TMEM87A: variants seen among roughly 807,000 people sequenced by gnomAD.
TMEM87A encodes the protein transmembrane protein 87A, also known as Golgi-pH regulating cation channel.
In TMEM87A, 50 loss-of-function variants were observed where a neutral mutation model predicts 90.0. That is an observed-to-expected ratio of 0.56 (90% CI 0.44 to 0.70). TMEM87A has a LOEUF of 0.70. Among genes scored for constraint, TMEM87A ranks in the 30% least tolerant of loss-of-function variants. The probability of loss-of-function intolerance (pLI) is 0.00; values close to 1 mark genes in which losing one functional copy is unlikely to be tolerated. For synonymous variants in TMEM87A, 226 were observed against 226.7 expected, an observed-to-expected ratio of 1.00 and a Z score of 0.03; for missense variants, 577 against 660.5, an observed-to-expected ratio of 0.87 and a Z score of 1.39.
chr15:42,271,429 T>C (rs1222792559), intron 2 of TMEM87A: 5 of 152,174 alleles, frequency 3.3e-5, no homozygotes, highest in Middle Eastern at 3.2e-3. Flanking sequence ...AACCCCAACA[T>C]AATCACAGTC....
rs1289270287 is a variant in TMEM87A at position 42,273,352 on chromosome 15, A to G, written c.47T>C (p.Leu16Pro). The G allele has an allele frequency of 6.2e-7, 1 of 1,614,178 alleles. No individual in the cohort carries two copies. Among genetic ancestry groups the G allele is most frequent in the South Asian group, 1.1e-5 (1 of 91,090 alleles). ...CAGTGGTGACGGGTGAGCTCCCAGA[A>G]GCAGAAGAATGACAGGCAACACCTG... Reference protein sequence around the residue: ...WLQVLPVILLLLGAHPSPLSF... With the variant: ...WLQVLPVILLPLGAHPSPLSF... The change falls in exon 1 of 20, where the codon CTT becomes CCT. Residue 16 changes from leucine (L) to proline (P), a missense_variant. Coordinates refer to ENST00000389834, the MANE Select transcript of TMEM87A (RefSeq NM_015497.5).
At position 42,258,693 on chromosome 15, in the gene TMEM87A, T is replaced by C. The variant is rs529969216; in HGVS notation, c.504+2265A>G. Reference sequence around the variant, plus strand: ...CTGCCCACCTTGGCCTCCCAAAGTGTTGGCATTACAGGCGTGAGCCACTGT... The same window carrying C: ...CTGCCCACCTTGGCCTCCCAAAGTGCTGGCATTACAGGCGTGAGCCACTGT... On this transcript the variant is annotated intron_variant, in intron 6 of 19. Transcript: ENST00000389834. 2.0e-4 allele frequency: 241 copies of C among 1,197,660 alleles called. No individual in the cohort carries two copies. In the Middle Eastern group the frequency reaches 2.8e-3, roughly 14 times the overall value. 74.2% of individuals were successfully genotyped at this position (1,197,660 alleles called of 1,614,324 possible).
At position 42,231,275 on chromosome 15, in the gene TMEM87A, A is replaced by G; in HGVS notation, c.1063-15T>C. On this transcript the variant is annotated splice_polypyrimidine_tract_variant and intron_variant, in intron 11 of 19. Coordinates refer to ENST00000389834, the MANE Select transcript of TMEM87A (RefSeq NM_015497.5). ...TCAGTCTGGGCCTGCAGACAAAGAA[A>G]AAGAAGTGGTGAAAAACAGATGTCT... is the stretch of plus-strand genomic sequence containing the variant. The G allele has an allele frequency of 6.4e-7, 1 of 1,552,336 alleles. No homozygotes were observed. Among genetic ancestry groups the G allele is most frequent in the Non-Finnish European group, 8.6e-7 (1 of 1,156,536 alleles).
chr15:42,231,359 T>C (rs1245578870), intron 11 of TMEM87A, 99 bp from the exon 12 acceptor site: 27 of 937,936 alleles, frequency 2.9e-5, no homozygotes, highest in Admixed American at 3.7e-5. Context: ...CACTGGAAAG[T>C]TTTTGCATTG....
At position 42,251,911 on chromosome 15, in the gene TMEM87A, G is replaced by A. The variant is rs141187687; in HGVS notation, c.505-7744C>T. ...AGCTGTGGTGGGCTCCACCCAATTC[G>A]AACTTCCTGGCCGCTTTTTTACCTA... On this transcript the variant is annotated intron_variant, in intron 6 of 19. Coordinates refer to ENST00000389834, the MANE Select transcript of TMEM87A (RefSeq NM_015497.5). Among the ~76,000 whole-genome samples the A allele has an allele frequency of 5.1e-3, 783 of 152,334 alleles. 5 individuals carry two copies. The highest frequency in any genetic ancestry group is 7.6e-3 in the Non-Finnish European group (518 of 68,022).
intron 2 of TMEM87A, among the ~76,000 whole-genome samples, chr15:42,268,959 GC>G (rs2051459291): frequency 6.6e-6 from 1 of 151,994 alleles, no homozygotes; most frequent in South Asian, 2.1e-4. Flanking sequence ...TGAACGAAAA[GC>G]AAACATGGCT....
chr15:42,268,536 A>G (rs950418879), intron 2 of TMEM87A, among the ~76,000 whole-genome samples: 2 of 152,140 alleles, frequency 1.3e-5, no homozygotes, highest in Non-Finnish European at 2.9e-5. Flanking sequence ...GCGTGGTGGT[A>G]CATGCTTGTA....
intron 19 of TMEM87A, among the ~76,000 whole-genome samples, chr15:42,217,212 C>T (rs1024957881): frequency 2.0e-5 from 3 of 152,086 alleles, no homozygotes; most frequent in African/African-American, 7.2e-5. Flanking sequence ...CCTAGGCCTC[C>T]CAAAGTGCTG....
intron 12 of TMEM87A, among the ~76,000 whole-genome samples, chr15:42,230,870 C>T (rs190888728): frequency 2.6e-5 from 4 of 152,276 alleles, no homozygotes; most frequent in East Asian, 3.9e-4. Context: ...CAGCCAGTGA[C>T]TCTAACACTA....
At chr15:42,263,028 C>CT (rs1185619540) in intron 4 of TMEM87A, among the ~76,000 whole-genome samples, 1 of 152,152 alleles carries the variant, frequency 6.6e-6, no homozygotes, top group Non-Finnish European at 1.5e-5. Context: ...AAATTGAACT[C>CT]TAAGACAATG....
intron 15 of TMEM87A, 68 bp downstream of exon 15, chr15:42,226,738 A>G: frequency 7.3e-7 from 1 of 1,368,576 alleles, no homozygotes; most frequent in Non-Finnish European, 1.0e-6. Flanking sequence ...ACTGTCCCCC[A>G]ATGCACCACC....
At position 42,258,036 on chromosome 15, in the gene TMEM87A, G is replaced by A. The variant is rs79744548; in HGVS notation, c.504+2922C>T. The A allele has an allele frequency of 4.4e-3, 4,300 of 973,016 alleles. 157 individuals are homozygous for A. The African/African-American group carries it at 0.071, about 16-fold the overall frequency. The allele number at this position is 973,016 out of a possible 1,614,324, so 60.3% of individuals were successfully genotyped here. A position where few individuals can be genotyped will look rare whatever the true frequency, so the allele number is the denominator to read the frequency against. ...GAGATCAGAAAATAAAGACTTAAAA[G>A]CAAATGTAGTTAAAATATTAATCAC... On this transcript the variant is annotated intron_variant, in intron 6 of 19. Coordinates refer to ENST00000389834, the MANE Select transcript of TMEM87A (RefSeq NM_015497.5).
intron 8 of TMEM87A, 51 bp from the exon 9 acceptor site, chr15:42,237,666 A>C: frequency 7.0e-7 from 1 of 1,431,142 alleles, no homozygotes; most frequent in Non-Finnish European, 9.3e-7. Flanking sequence ...GCCAAGAGCC[A>C]AGTCTGTAGA....
At position 42,219,592 on chromosome 15, in the gene TMEM87A, C is replaced by T; in HGVS notation, c.1528G>A (p.Val510Ile). 1 of 1,599,434 alleles carries T rather than the reference C, an allele frequency of 6.3e-7. No individual in the cohort carries two copies. The highest frequency in any genetic ancestry group is 8.5e-7 in the Non-Finnish European group (1 of 1,172,318). ...AAAGTCATACTTACTGCTTTGTTAA[C>T]TTTACTATTTCCATTGGGTTCTTGT... The part of the protein sequence containing the change: ...TKQEPNGNSK[V>I]NKAQEDDLKW... Residue 510 changes from valine (V) to isoleucine (I), a missense_variant, in exon 17 of 20, where the codon GTT becomes ATT. Physicochemically the swap from Val to Ile is conservative, Grantham distance 29 (BLOSUM62 3). Transcript: ENST00000389834.
chr15:42,268,303 G>C (rs949854366), intron 2 of TMEM87A, among the ~76,000 whole-genome samples: 1 of 152,168 alleles, frequency 6.6e-6, no homozygotes, highest in African/African-American at 2.4e-5. Flanking sequence ...CCTAACTTCT[G>C]GATCTCTATT....
Position 42,258,301 on chromosome 15 carries a change from G to T in TMEM87A, c.504+2657C>A, listed in dbSNP as rs554866498. 2.0e-5 allele frequency: 14 copies of T among 705,646 alleles called. No homozygotes were observed. The South Asian group carries it at 8.8e-4, about 45-fold the overall frequency. 43.7% of individuals were successfully genotyped at this position (705,646 alleles called of 1,614,324 possible). Reference sequence around the variant, plus strand: ...AATATAAACATGCCCATATACAAAAGAATAGGAAGATAAATATATCACTGC... The same window carrying T: ...AATATAAACATGCCCATATACAAAATAATAGGAAGATAAATATATCACTGC... On this transcript the variant is annotated intron_variant, in intron 6 of 19. Transcript: ENST00000389834.
In TMEM87A at chr15:42,236,303, AG is replaced by A. The variant is rs1555406359; in HGVS notation, c.968+16del. ...AGCATTTTAATTTGCTCTTCCATAC[AG>A]GAAGTTAATACTTACTTGACGATGC... On this transcript the variant is annotated intron_variant, in intron 10 of 19. Coordinates refer to ENST00000389834, the MANE Select transcript of TMEM87A (RefSeq NM_015497.5). 1.2e-6 allele frequency: 2 copies of A among 1,603,580 alleles called. No individual in the cohort carries two copies. The highest frequency in any genetic ancestry group is 1.7e-6 in the Non-Finnish European group (2 of 1,170,596).
chr15:42,264,224 G>T (rs762966273), intron 3 of TMEM87A, 21 bp from the exon 4 acceptor site: 5 of 1,559,444 alleles, frequency 3.2e-6, no homozygotes, highest in Non-Finnish European at 4.4e-6. Flanking sequence ...AGATAATACA[G>T]AGTAGTTAAC....
intron 15 of TMEM87A, among the ~76,000 whole-genome samples, chr15:42,224,167 C>T (rs1004376046): frequency 1.3e-5 from 2 of 152,170 alleles, no homozygotes; most frequent in Non-Finnish European, 2.9e-5. Flanking sequence ...TGGGCCATGC[C>T]ATATCAGCTC....
Sources: gnomAD v4.1 joint callset for allele counts (sites outside exome capture counted in the v4.1 genomes callset) on GRCh38, gnomAD v4.1.1 for gene constraint, MANE v1.5 for transcripts, NCBI Gene and HGNC (gene_info 2026-07-23, HGNC 2026-07-21) for gene names.